PWWP3B: variants seen among roughly 807,000 people sequenced by gnomAD.
PWWP3B encodes PWWP domain-containing DNA repair factor 3B.
A neutral mutation model predicts 15.7 loss-of-function variants in PWWP3B; 5 were observed. The ratio of observed to expected loss-of-function variants is 0.32; its 90% CI spans 0.17 to 0.67. PWWP3B has a LOEUF of 0.67. PWWP3B is among the 30% of genes least tolerant of loss of function. PWWP3B has a pLI of 0.74. For synonymous variants in PWWP3B, 203 were observed against 179.8 expected (o/e 1.13, Z -1.03); for missense variants, 519 against 493.1 (o/e 1.05, Z -0.50).
intron 2 of PWWP3B, among the ~76,000 whole-genome samples, chrX:106,200,750 TAAG>T (rs1923650153): frequency 9.0e-6 from 1 of 111,465 alleles, no homozygotes; most frequent in East Asian, 2.8e-4. Flanking sequence ...CAACAAAACA[TAAG>T]AAACAGAATT....
At chrX:106,186,887 T>C (rs1447189237) in intron 2 of PWWP3B, among the ~76,000 whole-genome samples, 1 of 111,912 alleles carries the variant, frequency 8.9e-6, no homozygotes, top group Non-Finnish European at 1.9e-5. Context: ...TTACAATATT[T>C]TAGCTAGACA....
chrX:106,193,865 G>A (rs887659251), intron 2 of PWWP3B, among the ~76,000 whole-genome samples: 9 of 111,779 alleles, frequency 8.1e-5, no homozygotes, highest in African/African-American at 1.3e-4. Context: ...TTGAATATTC[G>A]CCCCCACTCT....
intron 2 of PWWP3B, among the ~76,000 whole-genome samples, chrX:106,203,735 G>T (rs374722836): frequency 9.0e-6 from 1 of 111,163 alleles, no homozygotes; most frequent in Non-Finnish European, 1.9e-5. Context: ...CTTCTTTTTT[G>T]CCTATCTCCA....
intron 2 of PWWP3B, among the ~76,000 whole-genome samples, chrX:106,172,652 C>A (rs1258711244): frequency 9.0e-6 from 1 of 110,786 alleles, no homozygotes; most frequent in African/African-American, 3.3e-5. Flanking sequence ...TTCTAGAATA[C>A]CCCCTGAATC....
chrX:106,197,927 T>C lies in PWWP3B; in HGVS notation c.-400-6058T>C, dbSNP rs753565233. Among the ~76,000 whole-genome samples, 3 of 111,962 alleles carry C rather than the reference T, an allele frequency of 2.7e-5. No homozygotes were observed. The South Asian group carries it at 1.1e-3, about 41-fold the overall frequency. On this transcript the variant is annotated intron_variant, in intron 2 of 3. Transcript: ENST00000357175. Reference sequence around the variant, plus strand: ...TTTATATCCTAAGTGGAAGTGTAACTGGTGCTTTTGAAAAAATATACGTAT... The same window carrying C: ...TTTATATCCTAAGTGGAAGTGTAACCGGTGCTTTTGAAAAAATATACGTAT...
chrX:106,182,852 T>C (rs984842526), intron 2 of PWWP3B, among the ~76,000 whole-genome samples: 2 of 111,531 alleles, frequency 1.8e-5, no homozygotes, highest in Non-Finnish European at 1.9e-5. Context: ...ATAAAGCTTA[T>C]GTAGGTTTTC....
intron 2 of PWWP3B, among the ~76,000 whole-genome samples, chrX:106,187,752 A>G (rs780885430): frequency 2.7e-5 from 3 of 111,628 alleles, no homozygotes; most frequent in East Asian, 2.8e-4. Flanking sequence ...TTGAATATCT[A>G]TGAAATGTCT....
intron 3 of PWWP3B, 131 bp from the exon 4 acceptor site, chrX:106,205,088 G>A (rs1403074195): frequency 5.3e-5 from 8 of 151,907 alleles, no homozygotes; most frequent in Non-Finnish European, 3.7e-5. Context: ...ATATTATGCT[G>A]CCTCCTCTGT....
At position 106,206,277 on chromosome X, in the gene PWWP3B, C is replaced by A. The variant is rs1297349141; in HGVS notation, c.845C>A (p.Pro282His). 8.3e-7 allele frequency: 1 copy of A among 1,204,280 alleles called. No homozygotes were observed. The highest frequency in any genetic ancestry group is 1.1e-6 in the Non-Finnish European group (1 of 891,955). ...CSAFSENIED[P>H]GEGPSNPCLD... Reference sequence around the variant, plus strand: ...GCTTTCTCAGAGAATATTGAGGATCCTGGAGAGGGTCCCTCAAATCCATGC... The same window carrying A: ...GCTTTCTCAGAGAATATTGAGGATCATGGAGAGGGTCCCTCAAATCCATGC... The change falls in exon 4 of 4, where the codon CCT becomes CAT. Residue 282 changes from proline (P) to histidine (H), a missense_variant. By Grantham distance (77) the Pro-to-His change is moderately conservative (BLOSUM62 -2). Coordinates refer to ENST00000357175, the MANE Select transcript of PWWP3B (RefSeq NM_001171020.2).
chrX:106,206,996 G>A lies in PWWP3B; in HGVS notation c.1564G>A (p.Ala522Thr). 8.3e-7 allele frequency: 1 copy of A among 1,210,489 alleles called. No individual in the cohort carries two copies. Among genetic ancestry groups the A allele is most frequent in the African/African-American group, 1.7e-5 (1 of 57,806 alleles). ...ATTTCCAAAGCTGCATAATGAAGAT[G>A]CCAGGGAACCGATGGCTGTAACTTC... ...NKFPKLHNED[A>T]REPMAVTSQT... The change falls in exon 4 of 4, where the codon GCC becomes ACC. Residue 522 changes from alanine to threonine, a missense_variant. Physicochemically the swap from Ala to Thr is moderately conservative, Grantham distance 58 (BLOSUM62 0). Coordinates refer to ENST00000357175, the MANE Select transcript of PWWP3B (RefSeq NM_001171020.2).
intron 2 of PWWP3B, among the ~76,000 whole-genome samples, chrX:106,194,890 G>A (rs1484905213): frequency 9.0e-6 from 1 of 111,661 alleles, no homozygotes; most frequent in Non-Finnish European, 1.9e-5. Flanking sequence ...CTGCCTGATT[G>A]TTCCTCTGGA....
intron 2 of PWWP3B, among the ~76,000 whole-genome samples, chrX:106,202,245 A>G (rs909548968): frequency 8.9e-6 from 1 of 112,092 alleles, no homozygotes; most frequent in African/African-American, 3.2e-5. Flanking sequence ...ATACTTGCAC[A>G]TAATATATGC....
intron 2 of PWWP3B, among the ~76,000 whole-genome samples, chrX:106,183,108 G>A (rs998500087): frequency 9.0e-6 from 1 of 110,981 alleles, no homozygotes; most frequent in Non-Finnish European, 1.9e-5. Flanking sequence ...AAACTGCAGT[G>A]GGGGTAGAGA....
chrX:106,199,299 A>AC (rs1447008692), intron 2 of PWWP3B, among the ~76,000 whole-genome samples: 3 of 111,259 alleles, frequency 2.7e-5, no homozygotes, highest in African/African-American at 9.8e-5. Flanking sequence ...CTCGTGATCC[A>AC]CCTGTCTCGG....
intron 2 of PWWP3B, among the ~76,000 whole-genome samples, chrX:106,195,448 A>G (rs775719569): frequency 1.3e-3 from 149 of 111,452 alleles, no homozygotes; most frequent in African/African-American, 4.7e-3. Flanking sequence ...TTTTTTTACA[A>G]GTTATAATTT....
chrX:106,203,939 C>A (rs1923845258), intron 2 of PWWP3B, 46 bp from the exon 3 acceptor site: 1 of 112,344 alleles, frequency 8.9e-6, no homozygotes, highest in Non-Finnish European at 1.9e-5. Context: ...ATTCTTGACA[C>A]TTTTCCCATT....
chrX:106,169,888 C>A (rs1602812941), intron 1 of PWWP3B, among the ~76,000 whole-genome samples: 1 of 111,643 alleles, frequency 9.0e-6, no homozygotes, highest in Non-Finnish European at 1.9e-5. Context: ...TGCATTCGTA[C>A]AGTGTATGCA....
At chrX:106,176,508 G>C (rs1356585787) in intron 2 of PWWP3B, among the ~76,000 whole-genome samples, 1 of 111,707 alleles carries the variant, frequency 9.0e-6, no homozygotes, top group Non-Finnish European at 1.9e-5. Flanking sequence ...TAGGAGTGGG[G>C]AAAAATTATA....
intron 2 of PWWP3B, among the ~76,000 whole-genome samples, chrX:106,179,051 A>C (rs1922050667): frequency 8.9e-6 from 1 of 112,067 alleles, no homozygotes; most frequent in African/African-American, 3.2e-5. Flanking sequence ...GTTTCTCGTC[A>C]CAAGATGGTG....
Sources: gnomAD v4.1 joint callset for allele counts (sites outside exome capture counted in the v4.1 genomes callset) on GRCh38, gnomAD v4.1.1 for gene constraint, MANE v1.5 for transcripts, NCBI Gene and HGNC (gene_info 2026-07-23, HGNC 2026-07-21) for gene names.